The following SLC26A3 variants were observed in gnomAD, a reference collection of about 807,000 sequenced individuals.
The protein encoded by SLC26A3 is solute carrier family 26 member 3, also known as chloride anion exchanger.
In SLC26A3, 64 loss-of-function variants were observed where a neutral mutation model predicts 85.6. The observed-to-expected ratio is 0.75, with a 90% confidence interval of 0.61 to 0.92. The LOEUF (loss-of-function observed/expected upper bound fraction) is 0.92, where lower values mean the gene tolerates loss of function less well. SLC26A3 is among the 40% of genes least tolerant of loss of function. SLC26A3 has a pLI of 0.00. For synonymous variants in SLC26A3, 349 were observed against 336.0 expected (o/e 1.04, Z -0.42); for missense variants, 922 against 927.3 (o/e 0.99, Z 0.07).
chr7:107,776,749 G>C (rs753004077), intron 13 of SLC26A3, 43 bp from the exon 14 acceptor site: 1 of 1,577,520 alleles, frequency 6.3e-7, no homozygotes, highest in Non-Finnish European at 8.7e-7. Flanking sequence ...ATGTATGTTT[G>C]TTAAGCCTAT....
intron 20 of SLC26A3, among the ~76,000 whole-genome samples, chr7:107,766,612 G>A (rs1793919581): frequency 6.6e-6 from 1 of 152,056 alleles, no homozygotes; most frequent in Non-Finnish European, 1.5e-5. Flanking sequence ...TTTATCTTAT[G>A]CTCTACATTT....
intron 1 of SLC26A3, among the ~76,000 whole-genome samples, chr7:107,799,451 C>T (rs1241069974): frequency 1.3e-5 from 2 of 151,962 alleles, no homozygotes; most frequent in Non-Finnish European, 2.9e-5. Context: ...AGTGCAGTGG[C>T]GCGATTTCAT....
In SLC26A3 at chr7:107,783,329, T is replaced by C. The variant is rs140952086; in HGVS notation, c.995A>G (p.Asp332Gly). Residue 332 changes from aspartate (D) to glycine (G), a missense_variant, in exon 9 of 21, where the codon GAC (aspartate) becomes GGC (glycine). By Grantham distance (94) the Asp-to-Gly change is moderately conservative (BLOSUM62 -1). Coordinates refer to ENST00000340010, the MANE Select transcript of SLC26A3 (RefSeq NM_000111.3). ...TACGGTGTTTTGGAAAGTCTCCACG[T>C]CAGGTGTAATAGGGGGCTGAAATCT... ...NPGFQPPITP[D>G]VETFQNTVGD... The C allele has an allele frequency of 1.9e-6, 3 of 1,614,036 alleles. No homozygotes were observed. In the African/African-American group the frequency reaches 4.0e-5, roughly 22 times the overall value.
chr7:107,793,180 G>A (rs552786579), intron 3 of SLC26A3, among the ~76,000 whole-genome samples: 1 of 152,220 alleles, frequency 6.6e-6, no homozygotes, highest in African/African-American at 2.4e-5. Flanking sequence ...TAAGTTAGCA[G>A]TTCCACAAAT....
intron 20 of SLC26A3, 41 bp downstream of exon 20, chr7:107,767,538 T>C: frequency 6.9e-7 from 1 of 1,458,882 alleles, no homozygotes; most frequent in Non-Finnish European, 9.6e-7. Flanking sequence ...TTTTTTTTGC[T>C]GTGATGTCTA....
chr7:107,787,727 C>G (rs1446927586), intron 6 of SLC26A3, among the ~76,000 whole-genome samples: 1 of 152,178 alleles, frequency 6.6e-6, no homozygotes, highest in Non-Finnish European at 1.5e-5. Context: ...AGGTGGCACA[C>G]TAGTTTAAGA....
intron 6 of SLC26A3, among the ~76,000 whole-genome samples, chr7:107,787,783 T>A (rs540540351): frequency 1.3e-5 from 2 of 152,336 alleles, no homozygotes; most frequent in South Asian, 4.1e-4. Context: ...TAGTGTCAAA[T>A]TTTGTTGGAT....
At chr7:107,798,147 A>G (rs947905117) in intron 1 of SLC26A3, among the ~76,000 whole-genome samples, 2 of 151,350 alleles carry the variant, frequency 1.3e-5, no homozygotes, top group Admixed American at 1.3e-4. Flanking sequence ...TTTATGATAT[A>G]TATATTACAT....
chr7:107,765,772 G>A lies in SLC26A3; in HGVS notation c.*83C>T. 9.8e-7 allele frequency: 1 copy of A among 1,016,980 alleles called. No homozygotes were observed. The highest frequency in any genetic ancestry group is 1.6e-5 in the African/African-American group (1 of 63,546). The allele number at this position is 1,016,980 out of a possible 1,614,324, so 63.0% of individuals were successfully genotyped here. A position where few individuals can be genotyped will look rare whatever the true frequency, so the allele number is the denominator to read the frequency against. On this transcript the variant is annotated 3_prime_UTR_variant, in exon 21 of 21. Transcript: ENST00000340010. ...CTGTCAAAAATACTCTTCGTACAAT[G>A]TATGAACTTATCAATAACTTTCTGG...
chr7:107,785,293 A>G (rs1794275340), intron 8 of SLC26A3, among the ~76,000 whole-genome samples: 1 of 152,190 alleles, frequency 6.6e-6, no homozygotes, highest in Non-Finnish European at 1.5e-5. Flanking sequence ...CTCAAGCTCA[A>G]AAAGTGAGTC....
rs73419912 is a variant in SLC26A3, at chr7:107,791,855, G to C, written c.357C>G (p.Phe119Leu). 3 of 1,612,498 alleles carry C rather than the reference G, an allele frequency of 1.9e-6. No homozygotes were observed. Among genetic ancestry groups the C allele is most frequent in the Admixed American group, 3.3e-5 (2 of 59,978 alleles). Residue 119 changes from phenylalanine to leucine, a missense_variant, in exon 4 of 21, where the codon TTC (phenylalanine) becomes TTG (leucine). Phe to Leu is a conservative substitution (Grantham distance 22, BLOSUM62 0). Coordinates refer to ENST00000340010, the MANE Select transcript of SLC26A3 (RefSeq NM_000111.3). The stretch of plus-strand genomic sequence containing the variant: ...CCACGGATATGTGTCTGGAAGTGCC[G>C]AAGAAAAGGTAGATTATGGCTGGGA... ...SFFPAIIYLF[F>L]GTSRHISVGP...
chr7:107,799,084 A>C (rs1794559201), intron 1 of SLC26A3, among the ~76,000 whole-genome samples: 1 of 152,090 alleles, frequency 6.6e-6, no homozygotes, highest in African/African-American at 2.4e-5. Flanking sequence ...ATGGCATCAG[A>C]ATGGGAGAGG....
At position 107,767,682 on chromosome 7, in the gene SLC26A3, A is replaced by AT. The variant is rs752451485; in HGVS notation, c.2206-39dup. 2.2e-4 allele frequency: 359 copies of AT among 1,599,856 alleles called. 5 individuals are homozygous for AT. In the South Asian group the frequency reaches 3.2e-3, roughly 14 times the overall value. ...GAATGGAAATATGGATTAGGGGCTG[A>AT]TTTTTTTTAATGTTGAAAAAGAGAA... On this transcript the variant is annotated intron_variant, in intron 19 of 20. Transcript: ENST00000340010.
chr7:107,787,623 G>C, intron 6 of SLC26A3, 114 bp from the exon 7 acceptor site: 2 of 883,476 alleles, frequency 2.3e-6, no homozygotes, highest in Non-Finnish European at 3.6e-6. Flanking sequence ...GATAGAGACT[G>C]ATAGTGATTT....
intron 18 of SLC26A3, among the ~76,000 whole-genome samples, chr7:107,770,457 C>G (rs935562625): frequency 2.1e-4 from 32 of 150,898 alleles, no homozygotes; most frequent in Non-Finnish European, 8.9e-5. Context: ...GAGGTTTCAC[C>G]ATGTTGCCCA....
At chr7:107,799,059 A>G (rs1794558679) in intron 1 of SLC26A3, among the ~76,000 whole-genome samples, 1 of 152,172 alleles carries the variant, frequency 6.6e-6, no homozygotes, top group African/African-American at 2.4e-5. Flanking sequence ...GAGGCTGGAT[A>G]GAAGCAGGGA....
Position 107,773,940 on chromosome 7 carries a change from A to C in SLC26A3, c.1987T>G (p.Ser663Ala). The C allele has an allele frequency of 6.2e-7, 1 of 1,613,758 alleles. No homozygotes were observed. Among genetic ancestry groups the C allele is most frequent in the Non-Finnish European group, 8.5e-7 (1 of 1,179,666 alleles). The change falls in exon 17 of 21, where the codon TCA (serine) becomes GCA (alanine). Residue 663 changes from serine (S) to alanine (A), a missense_variant. By Grantham distance (99) the Ser-to-Ala change is moderately conservative. Coordinates refer to ENST00000340010, the MANE Select transcript of SLC26A3 (RefSeq NM_000111.3). ...ATTACCGATTTAAGGCCCCTCACTG[A>C]AGAAACATCAAGAAAGGACACTGCT... ...FSAVSFLDVS[S>A]VRGLKSILQE...
intron 20 of SLC26A3, among the ~76,000 whole-genome samples, chr7:107,766,697 C>T (rs1019302952): frequency 3.3e-5 from 5 of 152,144 alleles, no homozygotes; most frequent in African/African-American, 1.2e-4. Context: ...GCCTGCCATG[C>T]TTGAAGACAA....
chr7:107,771,384 A>C (rs939232516), intron 18 of SLC26A3, among the ~76,000 whole-genome samples: 1 of 152,200 alleles, frequency 6.6e-6, no homozygotes, highest in Non-Finnish European at 1.5e-5. Flanking sequence ...GTAGATGCAC[A>C]TGAAATCATA....
Sources: gnomAD v4.1 joint callset for allele counts (sites outside exome capture counted in the v4.1 genomes callset) on GRCh38, gnomAD v4.1.1 for gene constraint, MANE v1.5 for transcripts, NCBI Gene and HGNC (gene_info 2026-07-23, HGNC 2026-07-21) for gene names.